AIG1: variants seen among roughly 807,000 people sequenced by gnomAD.
AIG1 encodes androgen induced 1.
AIG1 carries 23 observed loss-of-function variants against 31.4 expected under a neutral mutation model. The ratio of observed to expected loss-of-function variants is 0.73; its 90% CI spans 0.53 to 1.04. The LOEUF is 1.04. Among genes scored for constraint, AIG1 ranks in the 50% least tolerant of loss-of-function variants. The probability of loss-of-function intolerance (pLI) is 0.00; values close to 1 mark genes in which losing one functional copy is unlikely to be tolerated. For synonymous variants in AIG1, 100 were observed against 110.5 expected, an observed-to-expected ratio of 0.90 and a Z score of 0.60; for missense variants, 274 against 295.0, an observed-to-expected ratio of 0.93 and a Z score of 0.52.
chr6:143,263,822 G>A (rs1795972521), intron 3 of AIG1, among the ~76,000 whole-genome samples: 1 of 152,144 alleles, frequency 6.6e-6, no homozygotes, highest in South Asian at 2.1e-4. Context: ...AGATTATTAA[G>A]ATTATTTTAA....
At chr6:143,081,262 G>T (rs1300679879) in intron 1 of AIG1, among the ~76,000 whole-genome samples, 1 of 152,146 alleles carries the variant, frequency 6.6e-6, no homozygotes, top group East Asian at 1.9e-4. Flanking sequence ...CAGGCACAGT[G>T]TAAGTGATAT....
At chr6:143,188,225 A>C (rs928243155) in intron 3 of AIG1, 2 of 989,688 alleles carry the variant, frequency 2.0e-6, no homozygotes, top group Non-Finnish European at 2.4e-6. Context: ...ACTCTAGGAG[A>C]GGGGCGTTTC....
intron 1 of AIG1, among the ~76,000 whole-genome samples, chr6:143,127,710 C>T (rs1782815563): frequency 6.6e-6 from 1 of 151,270 alleles, no homozygotes; most frequent in Non-Finnish European, 1.5e-5. Context: ...TTTTTTGAGA[C>T]AGAGTCTTGC....
At chr6:143,086,038 C>G (rs1266228094) in intron 1 of AIG1, among the ~76,000 whole-genome samples, 1 of 152,234 alleles carries the variant, frequency 6.6e-6, no homozygotes, top group African/African-American at 2.4e-5. Context: ...TAGTTCTGAA[C>G]TGGTGAGGTG....
intron 1 of AIG1, among the ~76,000 whole-genome samples, chr6:143,112,669 C>T (rs2128491776): frequency 6.6e-6 from 1 of 152,202 alleles, no homozygotes; most frequent in East Asian, 1.9e-4. Flanking sequence ...TGAGTGAGTT[C>T]TATTTAAGTG....
chr6:143,168,469 C>G, intron 3 of AIG1, among the ~76,000 whole-genome samples: 1 of 149,612 alleles, frequency 6.7e-6, no homozygotes, highest in East Asian at 2.0e-4. Context: ...CACGTGTTCT[C>G]ATCGTTCAAT....
intron 3 of AIG1, among the ~76,000 whole-genome samples, chr6:143,267,234 C>T (rs1036735726): frequency 6.6e-6 from 1 of 152,198 alleles, no homozygotes; most frequent in Non-Finnish European, 1.5e-5. Flanking sequence ...TCTGAAGCCA[C>T]GTTGGAGAAG....
intron 3 of AIG1, among the ~76,000 whole-genome samples, chr6:143,247,219 C>T (rs1437249517): frequency 2.0e-5 from 3 of 152,208 alleles, no homozygotes; most frequent in South Asian, 2.1e-4. Flanking sequence ...ACAACCTCCG[C>T]CTCCTGGGTT....
intron 4 of AIG1, among the ~76,000 whole-genome samples, chr6:143,315,859 T>G (rs1775697894): frequency 6.6e-6 from 1 of 152,116 alleles, no homozygotes; most frequent in Non-Finnish European, 1.5e-5. Flanking sequence ...TACTGAGTAC[T>G]GATTTAGTTT....
intron 2 of AIG1, among the ~76,000 whole-genome samples, chr6:143,151,507 A>G (rs777545537): frequency 2.6e-5 from 4 of 152,190 alleles, no homozygotes; most frequent in Non-Finnish European, 5.9e-5. Flanking sequence ...AAACACAGAA[A>G]GCCATAGCCT....
chr6:143,268,805 G>T lies in AIG1; in HGVS notation c.400-15305G>T, dbSNP rs780059947. 5.9e-5 allele frequency among the ~76,000 whole-genome samples: 9 copies of T among 152,228 alleles called. No homozygotes were observed. Among genetic ancestry groups the T allele is most frequent in the African/African-American group, 1.4e-4 (6 of 41,458 alleles). ...ATGTGCCACACAGGTCCCCTTTGGG[G>T]ATTGGACTTACTTCCCCAGCAGGTG... On this transcript the variant is annotated intron_variant, in intron 3 of 5. Coordinates refer to ENST00000357847, the MANE Select transcript of AIG1 (RefSeq NM_016108.4). The surrounding 1 kb of genome is among the most constrained non-coding windows in gnomAD (Gnocchi z 5.0).
chr6:143,197,984 A>G (rs929699505), intron 3 of AIG1, among the ~76,000 whole-genome samples: 1 of 152,208 alleles, frequency 6.6e-6, no homozygotes, highest in Non-Finnish European at 1.5e-5. Context: ...GGACTTTCCT[A>G]TCAATGTCCT....
intron 1 of AIG1, among the ~76,000 whole-genome samples, chr6:143,107,079 C>T (rs1344139088): frequency 3.3e-5 from 5 of 152,102 alleles, no homozygotes; most frequent in African/African-American, 9.6e-5. Context: ...ATCAGTTCTT[C>T]GTCTCCCTAA....
chr6:143,333,283 G>T lies in AIG1; in HGVS notation c.517G>T (p.Val173Leu), dbSNP rs773396157. The stretch of plus-strand genomic sequence containing the variant: ...GTCTCCTTTCCGATTCTTTTGCAGG[G>T]TGTGCTGGGTGCATCATGTAACTGG... ...CTFSVGYILW[V>L]CWVHHVTGMW... Residue 173 changes from valine (V) to leucine (L), a missense_variant and splice_region_variant, in exon 5 of 6, where the codon GTG (valine) becomes TTG (leucine). Val to Leu is a conservative substitution (Grantham distance 32). Around this residue, in one of 2 missense-constraint regions of AIG1, gnomAD observed 243 missense variants for 238.5 expected, o/e 1.02. Coordinates refer to ENST00000357847, the MANE Select transcript of AIG1 (RefSeq NM_016108.4). This position sits in a 1 kb window ranked among gnomAD's most constrained non-coding sequence, Gnocchi z 4.6. 5 of 1,606,420 alleles carry T rather than the reference G, an allele frequency of 3.1e-6. No homozygotes were observed. The highest frequency in any genetic ancestry group is 1.7e-5 in the Admixed American group (1 of 58,154).
At chr6:143,121,992 G>A (rs1782282129) in intron 1 of AIG1, among the ~76,000 whole-genome samples, 1 of 152,098 alleles carries the variant, frequency 6.6e-6, no homozygotes, top group South Asian at 2.1e-4. Context: ...AAAAATTATT[G>A]ATAGTTTTAA....
Position 143,195,978 on chromosome 6 carries a change from G to C in AIG1, c.399+30795G>C, listed in dbSNP as rs531075299. Among the ~76,000 whole-genome samples, 30 of 152,350 alleles carry C rather than the reference G, an allele frequency of 2.0e-4. No individual in the cohort carries two copies. In the South Asian group the frequency reaches 6.2e-3, roughly 32 times the overall value. On this transcript the variant is annotated intron_variant, in intron 3 of 5. Coordinates refer to ENST00000357847, the MANE Select transcript of AIG1 (RefSeq NM_016108.4). Reference sequence around the variant, plus strand: ...CGAAGCAAGGGCAGATTGAGAAGCAGAGTCTGAGGGACAGATGATTTTCCC... The same window carrying C: ...CGAAGCAAGGGCAGATTGAGAAGCACAGTCTGAGGGACAGATGATTTTCCC...
intron 1 of AIG1, among the ~76,000 whole-genome samples, chr6:143,089,795 C>T (rs1190455137): frequency 6.6e-6 from 1 of 152,096 alleles, no homozygotes; most frequent in African/African-American, 2.4e-5. Context: ...GAGATATAAC[C>T]CATTTACTGC....
intron 1 of AIG1, among the ~76,000 whole-genome samples, chr6:143,132,692 A>G (rs548091486): frequency 4.9e-4 from 75 of 152,000 alleles, no homozygotes; most frequent in Non-Finnish European, 9.7e-4. Flanking sequence ...ATACACATAT[A>G]TTAGACTGCT....
At chr6:143,206,756 A>G (rs1362450453) in intron 3 of AIG1, among the ~76,000 whole-genome samples, 2 of 152,222 alleles carry the variant, frequency 1.3e-5, no homozygotes, top group African/African-American at 2.4e-5. Context: ...CAGCATTTTT[A>G]TATCAATAAT....
Sources: gnomAD v4.1 joint callset for allele counts (sites outside exome capture counted in the v4.1 genomes callset) on GRCh38, gnomAD v4.1.1 for gene constraint, gnomAD v4.1.1 regional missense constraint, Gnocchi (gnomAD v3.1) non-coding constraint, MANE v1.5 for transcripts, NCBI Gene and HGNC (gene_info 2026-07-23, HGNC 2026-07-21) for gene names.